Variants in NHSL2 observed in about 807,000 individuals in gnomAD.
The protein encoded by NHSL2 is NHS-like protein 2.
In NHSL2, 27 loss-of-function variants were observed where a neutral mutation model predicts 53.4. That is an observed-to-expected ratio of 0.51 (90% confidence interval 0.37 to 0.70). NHSL2 has a LOEUF of 0.70. Among genes scored for constraint, NHSL2 ranks in the 30% least tolerant of loss-of-function variants. The pLI, the probability that NHSL2 is intolerant of heterozygous loss-of-function variation, is 0.00. For missense variants in NHSL2, 892 were observed against 980.1 expected (o/e 0.91, Z 1.20); for synonymous variants, 408 against 404.1 (o/e 1.01, Z -0.12).
At chrX:71,915,445 C>T (rs1006650048) in intron 1 of NHSL2, among the ~76,000 whole-genome samples, 7 of 112,141 alleles carry the variant, frequency 6.2e-5, no homozygotes, top group African/African-American at 2.3e-4. Context: ...AGGCACCCAG[C>T]TGGATCAAGA....
At chrX:72,103,318 A>G (rs2042011604) in intron 1 of NHSL2, among the ~76,000 whole-genome samples, 1 of 111,727 alleles carries the variant, frequency 9.0e-6, no homozygotes, top group South Asian at 3.7e-4. Flanking sequence ...GGGACTGGGA[A>G]GAGTCCAGAG....
chrX:72,092,053 C>T (rs1389541989), intron 1 of NHSL2, among the ~76,000 whole-genome samples: 1 of 111,910 alleles, frequency 8.9e-6, no homozygotes, highest in Non-Finnish European at 1.9e-5. Context: ...TTCAGAAGTG[C>T]AAGCTTGTGC....
At chrX:72,051,551 T>C (rs1366177406) in intron 1 of NHSL2, among the ~76,000 whole-genome samples, 1 of 111,315 alleles carries the variant, frequency 9.0e-6, no homozygotes, top group Non-Finnish European at 1.9e-5. Flanking sequence ...TCATACCAGG[T>C]GATCATCTCC....
At chrX:71,974,938 A>G (rs1354591801) in intron 1 of NHSL2, among the ~76,000 whole-genome samples, 1 of 111,891 alleles carries the variant, frequency 8.9e-6, no homozygotes, top group Non-Finnish European at 1.9e-5. Flanking sequence ...CCATTTTATC[A>G]ATGGAATAGT....
intron 1 of NHSL2, among the ~76,000 whole-genome samples, chrX:71,935,314 A>G (rs2041732677): frequency 8.9e-6 from 1 of 112,594 alleles, no homozygotes; most frequent in South Asian, 3.7e-4. Context: ...AGCAGCAATG[A>G]GTGACCTAGG....
chrX:71,979,889 T>C (rs1234003360), intron 1 of NHSL2, among the ~76,000 whole-genome samples: 9 of 111,404 alleles, frequency 8.1e-5, no homozygotes, highest in African/African-American at 2.9e-4. Context: ...GTTTTTATGG[T>C]TTTAGGTCTA....
intron 1 of NHSL2, among the ~76,000 whole-genome samples, chrX:72,043,772 G>A (rs1028395108): frequency 7.2e-5 from 8 of 111,620 alleles, no homozygotes; most frequent in Non-Finnish European, 1.5e-4. Flanking sequence ...ACTTTCCTGA[G>A]CCCTTGTTTT....
chrX:72,092,813 C>A (rs1208278260), intron 1 of NHSL2, among the ~76,000 whole-genome samples: 1 of 108,562 alleles, frequency 9.2e-6, no homozygotes, highest in Non-Finnish European at 1.9e-5. Flanking sequence ...GCTTTGTAAC[C>A]CAACAGATCT....
chrX:72,129,194 T>C (rs974313242), intron 1 of NHSL2: 17 of 113,278 alleles, frequency 1.5e-4, no homozygotes, highest in African/African-American at 5.5e-4. Context: ...CTCCGTCAAG[T>C]TGTCCATTTG....
At chrX:72,092,006 G>A (rs769862009) in intron 1 of NHSL2, among the ~76,000 whole-genome samples, 4 of 110,750 alleles carry the variant, frequency 3.6e-5, no homozygotes, top group Admixed American at 2.9e-4. Flanking sequence ...ACACACACAC[G>A]CACCAAGAGG....
At chrX:72,079,199 A>G (rs1329826802) in intron 1 of NHSL2, among the ~76,000 whole-genome samples, 1 of 112,714 alleles carries the variant, frequency 8.9e-6, no homozygotes, top group Non-Finnish European at 1.9e-5. Flanking sequence ...CCCACATGCG[A>G]TTTGTTTCCT....
chrX:72,084,640 C>T (rs963948393), intron 1 of NHSL2, among the ~76,000 whole-genome samples: 2 of 112,157 alleles, frequency 1.8e-5, no homozygotes, highest in African/African-American at 6.5e-5. Context: ...AGAGGGCCGT[C>T]AGCCAGCAGC....
intron 1 of NHSL2, among the ~76,000 whole-genome samples, chrX:72,088,789 G>A (rs937524056): frequency 2.7e-5 from 3 of 112,297 alleles, no homozygotes; most frequent in African/African-American, 6.5e-5. Flanking sequence ...GAAAAAGTTC[G>A]TCTGGGTACC....
chrX:72,074,561 T>G (rs1423192125), intron 1 of NHSL2, among the ~76,000 whole-genome samples: 1 of 112,217 alleles, frequency 8.9e-6, no homozygotes, highest in Admixed American at 9.4e-5. Context: ...AATCGTGATA[T>G]GCCCACATTT....
intron 1 of NHSL2, among the ~76,000 whole-genome samples, chrX:72,063,283 A>G (rs968955802): frequency 1.2e-4 from 14 of 112,517 alleles, no homozygotes; most frequent in African/African-American, 4.2e-4. Context: ...CTTGGCCATT[A>G]ATGACATCAC....
chrX:71,939,598 C>A (rs999540223), intron 1 of NHSL2, among the ~76,000 whole-genome samples: 1 of 111,710 alleles, frequency 9.0e-6, no homozygotes, highest in Admixed American at 9.4e-5. Flanking sequence ...GGTGGTTAAG[C>A]GTAGTGGCTC....
chrX:71,960,640 T>C (rs902015664), intron 1 of NHSL2, among the ~76,000 whole-genome samples: 5 of 112,579 alleles, frequency 4.4e-5, no homozygotes, highest in Admixed American at 3.8e-4. Context: ...GAGACTGTTC[T>C]TTTCCCATTG....
chrX:71,920,565 A>G (rs2041652331), intron 1 of NHSL2, among the ~76,000 whole-genome samples: 1 of 111,523 alleles, frequency 9.0e-6, no homozygotes, highest in African/African-American at 3.3e-5. Context: ...GTACTATTTA[A>G]AAGTTCCCAT....
chrX:72,001,132 A>G (rs1395262639), intron 1 of NHSL2, among the ~76,000 whole-genome samples: 1 of 112,389 alleles, frequency 8.9e-6, no homozygotes, highest in African/African-American at 3.2e-5. Context: ...ACAGCCTTGT[A>G]GGGGAATGGC....
Sources: gnomAD v4.1 joint callset for allele counts (sites outside exome capture counted in the v4.1 genomes callset) on GRCh38, gnomAD v4.1.1 for gene constraint, MANE v1.5 for transcripts, NCBI Gene and HGNC (gene_info 2026-07-23, HGNC 2026-07-21) for gene names.